The following ARHGAP35 variants were observed in gnomAD, a reference collection of about 807,000 sequenced individuals.
The protein encoded by ARHGAP35 is Rho GTPase activating protein 35.
In ARHGAP35, 15 loss-of-function variants were observed where a neutral mutation model predicts 111.1. The ratio of observed to expected loss-of-function variants is 0.13; its 90% CI spans 0.09 to 0.21. The LOEUF (loss-of-function observed/expected upper bound fraction) is 0.21. Among genes scored for constraint, ARHGAP35 ranks in the 10% least tolerant of loss-of-function variants. The pLI, the probability that ARHGAP35 is intolerant of heterozygous loss-of-function variation, is 1.00. For synonymous variants in ARHGAP35, 643 were observed against 710.3 expected (o/e 0.91, Z 1.51); for missense variants, 1,262 against 1,873.0 (o/e 0.67, Z 6.02).
intron 1 of ARHGAP35, among the ~76,000 whole-genome samples, chr19:46,883,273 T>G (rs1045464246): frequency 3.3e-5 from 5 of 151,666 alleles, no homozygotes; most frequent in Admixed American, 3.3e-4. Flanking sequence ...TTTTTTTTTT[T>G]TTTGTTAGTA....
intron 3 of ARHGAP35, among the ~76,000 whole-genome samples, chr19:46,940,045 G>C (rs2056336495): frequency 1.3e-5 from 2 of 151,520 alleles, no homozygotes; most frequent in African/African-American, 4.9e-5. Context: ...GACCATCCTG[G>C]CCAACATGGT....
chr19:46,930,940 C>A (rs1444410962), intron 2 of ARHGAP35, among the ~76,000 whole-genome samples: 2 of 151,708 alleles, frequency 1.3e-5, no homozygotes, highest in Non-Finnish European at 2.9e-5. Flanking sequence ...TAAAAAAAAA[C>A]AAACCAAGAC....
intron 1 of ARHGAP35, among the ~76,000 whole-genome samples, chr19:46,862,718 G>A (rs2055835453): frequency 6.6e-6 from 1 of 152,030 alleles, no homozygotes; most frequent in South Asian, 2.1e-4. Flanking sequence ...TCTTGGAGCG[G>A]TCCTTTAACA....
intron 1 of ARHGAP35, among the ~76,000 whole-genome samples, chr19:46,896,559 C>T (rs1415973182): frequency 1.3e-5 from 2 of 152,208 alleles, no homozygotes. Flanking sequence ...GTTGTAGCTT[C>T]TGTTTTCTCC....
chr19:47,001,765 T>G lies in ARHGAP35; in HGVS notation c.*1077T>G. Reference sequence around the variant, plus strand: ...GTGTGTGCACATGTGAGTGTGAGTGTGTGTGGGCGCTTGGTGGGGGGTTGG... The same window carrying G: ...GTGTGTGCACATGTGAGTGTGAGTGGGTGTGGGCGCTTGGTGGGGGGTTGG... On this transcript the variant is annotated 3_prime_UTR_variant, in exon 7 of 7. Transcript: ENST00000672722. The surrounding 1 kb of genome is among the most constrained non-coding windows in gnomAD (Gnocchi z 5.4). 1 of 235,684 alleles carries G rather than the reference T, an allele frequency of 4.2e-6. No individual in the cohort carries two copies. Among genetic ancestry groups the G allele is most frequent in the South Asian group, 5.5e-5 (1 of 18,146 alleles). The allele number at this position is 235,684 out of a possible 1,614,324, so 14.6% of individuals were successfully genotyped here. A position where few individuals can be genotyped will look rare whatever the true frequency, so the allele number is the denominator to read the frequency against.
At chr19:46,875,755 G>A (rs1599793496) in intron 1 of ARHGAP35, among the ~76,000 whole-genome samples, 1 of 152,158 alleles carries the variant, frequency 6.6e-6, no homozygotes, top group Non-Finnish European at 1.5e-5. Context: ...GTTCAGGTAA[G>A]CGAGCATGTG....
chr19:46,865,367 G>A (rs537260656), intron 1 of ARHGAP35, among the ~76,000 whole-genome samples: 1 of 152,114 alleles, frequency 6.6e-6, no homozygotes, highest in South Asian at 2.1e-4. Flanking sequence ...CCTCTTTTTG[G>A]CCATGCTCCC....
chr19:47,003,267 C>G lies in ARHGAP35; in HGVS notation c.*2579C>G, dbSNP rs546416207. The G allele has an allele frequency of 6.6e-6, 1 of 152,494 alleles. No individual in the cohort carries two copies. The highest frequency in any genetic ancestry group is 6.5e-5 in the Admixed American group (1 of 15,304). 9.4% of individuals were successfully genotyped at this position (152,494 alleles called of 1,614,324 possible). On this transcript the variant is annotated 3_prime_UTR_variant, in exon 7 of 7. Coordinates refer to ENST00000672722, the MANE Select transcript of ARHGAP35 (RefSeq NM_004491.5). ...GGGATTGTTGGGACCATGCTGCCCCCACTCCCGCTTTTGTTGGGGCTCTAA... is the reference window on the plus strand; with the variant it reads ...GGGATTGTTGGGACCATGCTGCCCCGACTCCCGCTTTTGTTGGGGCTCTAA...
At chr19:46,888,300 ATATATATATATATATAT>A (rs1568461106) in intron 1 of ARHGAP35, among the ~76,000 whole-genome samples, 76 of 67,958 alleles carry the variant, frequency 1.1e-3, no homozygotes, top group Middle Eastern at 0.013. Flanking sequence ...ATATATATAT[ATATATATATATATATAT>A]AAAATATTGA....
chr19:46,931,122 C>T (rs1452260478), intron 2 of ARHGAP35, among the ~76,000 whole-genome samples: 1 of 152,186 alleles, frequency 6.6e-6, no homozygotes, highest in African/African-American at 2.4e-5. Context: ...CTCACCTCCT[C>T]ACACACTAGT....
At chr19:46,975,356 T>G (rs965551659) in intron 3 of ARHGAP35, among the ~76,000 whole-genome samples, 1 of 152,094 alleles carries the variant, frequency 6.6e-6, no homozygotes, top group African/African-American at 2.4e-5. Flanking sequence ...TGCACCCTTC[T>G]GAGGGTGCGC....
At chr19:46,996,776 G>C (rs548523027) in intron 5 of ARHGAP35, among the ~76,000 whole-genome samples, 8 of 152,318 alleles carry the variant, frequency 5.3e-5, no homozygotes, top group Admixed American at 2.0e-4. Context: ...ACGGTCTTCT[G>C]TCCTCCCTAC....
chr19:46,965,106 A>T (rs2122279934), intron 3 of ARHGAP35, among the ~76,000 whole-genome samples: 1 of 152,260 alleles, frequency 6.6e-6, no homozygotes, highest in African/African-American at 2.4e-5. Context: ...TGAGGTCAGG[A>T]GTTTGAGACC....
intron 2 of ARHGAP35, among the ~76,000 whole-genome samples, chr19:46,932,254 C>T (rs774642127): frequency 5.3e-5 from 8 of 152,178 alleles, no homozygotes; most frequent in Non-Finnish European, 7.4e-5. Context: ...GGCACTCCAG[C>T]TTGGGTGACG....
In ARHGAP35 at chr19:46,908,889, A is replaced by G. The variant is rs1475060835; in HGVS notation, c.-188-9599A>G. 3.3e-5 allele frequency among the ~76,000 whole-genome samples: 5 copies of G among 152,234 alleles called. No individual in the cohort carries two copies. The highest frequency in any genetic ancestry group is 5.9e-5 in the Non-Finnish European group (4 of 68,034). On this transcript the variant is annotated intron_variant, in intron 1 of 6. Coordinates refer to ENST00000672722, the MANE Select transcript of ARHGAP35 (RefSeq NM_004491.5). This position sits in a 1 kb window ranked among gnomAD's most constrained non-coding sequence, Gnocchi z 4.2. The stretch of plus-strand genomic sequence containing the variant: ...TATTCCCACCCTGGAATTCAGAAGA[A>G]CCTTTAAGCAGGGATTGCATGGAGG...
intron 5 of ARHGAP35, among the ~76,000 whole-genome samples, chr19:46,991,626 G>C (rs151035797): frequency 1.9e-3 from 291 of 152,284 alleles, no homozygotes; most frequent in African/African-American, 6.6e-3. Context: ...CCGTTGTCTT[G>C]AACCTGACCG....
At chr19:46,873,173 A>G (rs2055896887) in intron 1 of ARHGAP35, among the ~76,000 whole-genome samples, 1 of 152,104 alleles carries the variant, frequency 6.6e-6, no homozygotes, top group Non-Finnish European at 1.5e-5. Context: ...ACTTTCCAGA[A>G]AGTCTGGAAA....
chr19:46,958,318 AG>A (rs1326107848), intron 3 of ARHGAP35, among the ~76,000 whole-genome samples: 1 of 149,414 alleles, frequency 6.7e-6, no homozygotes, highest in African/African-American at 2.5e-5. Flanking sequence ...CAGGAGGCGG[AG>A]CTTGGCAGTG....
chr19:46,940,981 C>G (rs1173345170), intron 3 of ARHGAP35, among the ~76,000 whole-genome samples: 1 of 144,872 alleles, frequency 6.9e-6, no homozygotes, highest in African/African-American at 2.4e-5. Context: ...CACTCATAAT[C>G]CTCCTTCCCG....
Sources: allele counts gnomAD v4.1 joint callset (sites outside exome capture counted in the v4.1 genomes callset), GRCh38; gene constraint gnomAD v4.1.1; non-coding constraint Gnocchi (gnomAD v3.1); transcripts MANE v1.5; gene names NCBI Gene and HGNC (gene_info 2026-07-23, HGNC 2026-07-21).